The following STRBP variants were observed in gnomAD, a reference collection of about 807,000 sequenced individuals.
The protein encoded by STRBP is spermatid perinuclear RNA-binding protein.
STRBP carries 13 observed loss-of-function variants against 80.1 expected under a neutral mutation model. The ratio of observed to expected loss-of-function variants is 0.16; its 90% confidence interval spans 0.11 to 0.26. STRBP has a LOEUF of 0.26. Among genes scored for constraint, STRBP ranks in the 10% least tolerant of loss-of-function variants. The pLI is 1.00. For missense variants in STRBP, 485 were observed against 815.2 expected (o/e 0.59, Z 4.93); for synonymous variants, 284 against 291.2 (o/e 0.98, Z 0.25).
intron 1 of STRBP, among the ~76,000 whole-genome samples, chr9:123,259,911 G>A (rs890305294): frequency 2.1e-4 from 32 of 152,176 alleles, no homozygotes; most frequent in Admixed American, 2.0e-3. Flanking sequence ...ACAGCTAATA[G>A]GTCAAATAAG....
At chr9:123,192,361 C>A (rs2038954199) in intron 2 of STRBP, among the ~76,000 whole-genome samples, 1 of 152,096 alleles carries the variant, frequency 6.6e-6, no homozygotes, top group South Asian at 2.1e-4. Flanking sequence ...GAAGGAATAA[C>A]CTGAGAGATG....
At chr9:123,173,437 G>A (rs561486901) in intron 5 of STRBP, among the ~76,000 whole-genome samples, 3 of 152,162 alleles carry the variant, frequency 2.0e-5, no homozygotes, top group Middle Eastern at 3.4e-3. Flanking sequence ...AAGATACAAC[G>A]GAAAAGTTTA....
chr9:123,215,839 T>C (rs1482595871), intron 2 of STRBP, among the ~76,000 whole-genome samples: 1 of 152,186 alleles, frequency 6.6e-6, no homozygotes, highest in Non-Finnish European at 1.5e-5. Flanking sequence ...ATTCTAAAAT[T>C]CTACGAACAA....
At chr9:123,176,983 G>A (rs1055473661) in intron 4 of STRBP, among the ~76,000 whole-genome samples, 15 of 152,098 alleles carry the variant, frequency 9.9e-5, no homozygotes, top group Non-Finnish European at 1.8e-4. Flanking sequence ...CTGCCTAACC[G>A]TGCCTGGCAA....
In STRBP at chr9:123,122,453, A is replaced by G. The variant is rs984147476; in HGVS notation, c.*3144T>C. 9 of 1,222,368 alleles carry G rather than the reference A, an allele frequency of 7.4e-6. No homozygotes were observed. The African/African-American group carries it at 8.0e-5, about 11-fold the overall frequency. 75.7% of individuals were successfully genotyped at this position (1,222,368 alleles called of 1,614,324 possible). ...TTCACCCAAAATTAAAAAAAAAAAA[A>G]AAAAGAAAAGGCCAATACCAGCAAA... On this transcript the variant is annotated 3_prime_UTR_variant, in exon 19 of 19. Transcript: ENST00000348403.
At chr9:123,230,540 C>A (rs2040367638) in intron 2 of STRBP, among the ~76,000 whole-genome samples, 1 of 152,172 alleles carries the variant, frequency 6.6e-6, no homozygotes, top group Admixed American at 6.5e-5. Flanking sequence ...GACAAGTAAG[C>A]AACCGTCCTT....
At chr9:123,198,368 CATCAGGTG>C (rs1489268164) in intron 2 of STRBP, among the ~76,000 whole-genome samples, 1 of 152,070 alleles carries the variant, frequency 6.6e-6, no homozygotes, top group African/African-American at 2.4e-5. Flanking sequence ...TAACTCCTGA[CATCAGGTG>C]ATCCACCCAC....
chr9:123,232,955 C>G (rs2040439390), intron 2 of STRBP, among the ~76,000 whole-genome samples: 1 of 152,210 alleles, frequency 6.6e-6, no homozygotes, highest in African/African-American at 2.4e-5. Context: ...AAGGCAGAAA[C>G]TGTGTCTTAC....
At chr9:123,234,576 C>G (rs2040495214) in intron 2 of STRBP, among the ~76,000 whole-genome samples, 1 of 152,200 alleles carries the variant, frequency 6.6e-6, no homozygotes, top group Admixed American at 6.5e-5. Flanking sequence ...TAGTGTTCTT[C>G]CCATCCTAGT....
rs114122188 is a variant in STRBP at position 123,136,453 on chromosome 9, T to C, written c.1560A>G (p.Glu520=). The change falls in exon 15 of 19, where the codon GAA becomes GAG. Residue 520 remains glutamate, a synonymous_variant. Transcript: ENST00000348403. This position sits in a 1 kb window ranked among gnomAD's most constrained non-coding sequence, Gnocchi z 4.2. ...GTTCATACTTGAGACCTCTTCTTTT[T>C]TCATTGAGCTCCATTACAGGGTTTT... ...SGKNPVMELN[E]KRRGLKYELI... 715 of 1,614,154 alleles carry C rather than the reference T, an allele frequency of 4.4e-4. 1 individual carries two copies. The African/African-American group carries it at 7.9e-3, about 18-fold the overall frequency.
At chr9:123,178,969 A>C (rs761344426) in intron 4 of STRBP, 38 bp downstream of exon 4, 8 of 1,576,282 alleles carry the variant, frequency 5.1e-6, no homozygotes, top group African/African-American at 1.3e-5. Flanking sequence ...TTTGCTGTGC[A>C]CTCTAGCACA....
intron 3 of STRBP, among the ~76,000 whole-genome samples, chr9:123,182,736 C>T (rs528635973): frequency 2.0e-5 from 3 of 152,270 alleles, no homozygotes; most frequent in Admixed American, 6.5e-5. Context: ...AGGCTGGGCA[C>T]GGTGCCTCAC....
chr9:123,266,099 A>ACTGGGC (rs1182947688), intron 1 of STRBP, among the ~76,000 whole-genome samples: 3 of 152,140 alleles, frequency 2.0e-5, no homozygotes, highest in African/African-American at 7.2e-5. Context: ...GCTACTGGCC[A>ACTGGGC]CTGGGCCTGG....
intron 16 of STRBP, among the ~76,000 whole-genome samples, chr9:123,133,267 A>G (rs1329692807): frequency 1.3e-5 from 2 of 152,244 alleles, no homozygotes; most frequent in African/African-American, 4.8e-5. Flanking sequence ...AGGCCTTACT[A>G]AAGTAATCAT....
chr9:123,131,860 A>T (rs1247669226), intron 17 of STRBP, among the ~76,000 whole-genome samples: 1 of 152,220 alleles, frequency 6.6e-6, no homozygotes, highest in Non-Finnish European at 1.5e-5. Context: ...CAAATGGCCT[A>T]GTCTTATTCT....
intron 2 of STRBP, among the ~76,000 whole-genome samples, chr9:123,215,571 G>A (rs886778814): frequency 6.6e-6 from 1 of 152,152 alleles, no homozygotes; most frequent in African/African-American, 2.4e-5. Context: ...AATTACCTGA[G>A]GTCAGGAGTT....
intron 13 of STRBP, 137 bp downstream of exon 13, chr9:123,146,718 C>A (rs985545104): frequency 3.9e-6 from 3 of 765,942 alleles, no homozygotes; most frequent in Non-Finnish European, 5.6e-6. Flanking sequence ...ACTTTGTTAT[C>A]CAGAAGTAAC....
intron 1 of STRBP, among the ~76,000 whole-genome samples, chr9:123,252,464 G>A (rs1042039085): frequency 2.6e-5 from 4 of 152,114 alleles, no homozygotes; most frequent in African/African-American, 9.7e-5. Context: ...CATTTCTGCT[G>A]GTTTCAGAGA....
chr9:123,198,970 G>C (rs1424698986), intron 2 of STRBP, among the ~76,000 whole-genome samples: 1 of 152,040 alleles, frequency 6.6e-6, no homozygotes, highest in Non-Finnish European at 1.5e-5. Context: ...TTTTGAGATG[G>C]AGTCTGACTC....
Sources: allele counts gnomAD v4.1 joint callset (sites outside exome capture counted in the v4.1 genomes callset), GRCh38; gene constraint gnomAD v4.1.1; non-coding constraint Gnocchi (gnomAD v3.1); transcripts MANE v1.5; gene names NCBI Gene and HGNC (gene_info 2026-07-23, HGNC 2026-07-21).